Variants in MTREX observed in about 807,000 individuals in gnomAD.
The protein encoded by MTREX is exosome RNA helicase MTR4.
A neutral mutation model predicts 135.4 loss-of-function variants in MTREX; 76 were observed. The observed-to-expected ratio is 0.56, with a 90% confidence interval of 0.47 to 0.68. The LOEUF (loss-of-function observed/expected upper bound fraction) is 0.68. Among genes scored for constraint, MTREX ranks in the 30% least tolerant of loss-of-function variants. The pLI, the probability that MTREX is intolerant of heterozygous loss-of-function variation, is 0.00. For synonymous variants in MTREX, 404 were observed against 401.6 expected, an observed-to-expected ratio of 1.01 and a Z score of -0.07; for missense variants, 920 against 1,262.1, an observed-to-expected ratio of 0.73 and a Z score of 4.11.
intron 22 of MTREX, 96 bp downstream of exon 22, chr5:55,405,684 C>A: frequency 8.9e-7 from 1 of 1,124,290 alleles, no homozygotes; most frequent in Non-Finnish European, 1.3e-6. Context: ...TCACTGTTGC[C>A]CAGGCTGGAG....
In MTREX at chr5:55,418,452, T is replaced by C. The variant is rs185704068; in HGVS notation, c.2971+2320T>C. Among the ~76,000 whole-genome samples, 4 of 147,840 alleles carry C rather than the reference T, an allele frequency of 2.7e-5. No homozygotes were observed. In the East Asian group the frequency reaches 7.9e-4, roughly 29 times the overall value. Reference sequence around the variant, plus strand: ...TTTGTAGCTCATACTAGATGCCACCTATGAGTTGACTTTTTCCACAGCATA... The same window carrying C: ...TTTGTAGCTCATACTAGATGCCACCCATGAGTTGACTTTTTCCACAGCATA... On this transcript the variant is annotated intron_variant, in intron 25 of 26. Coordinates refer to ENST00000230640, the MANE Select transcript of MTREX (RefSeq NM_015360.5).
intron 3 of MTREX, 110 bp from the exon 4 acceptor site, chr5:55,327,606 C>G: frequency 1.2e-6 from 1 of 813,364 alleles, no homozygotes; most frequent in Non-Finnish European, 2.1e-6. Flanking sequence ...AAGTTCATCA[C>G]TCTAGTTCAT....
intron 14 of MTREX, among the ~76,000 whole-genome samples, chr5:55,355,655 T>C (rs983834681): frequency 6.6e-6 from 1 of 152,204 alleles, no homozygotes; most frequent in African/African-American, 2.4e-5. Context: ...ACCAGAGCTC[T>C]TGGCGAATCC....
Position 55,368,294 on chromosome 5 carries a change from CA to C in MTREX, c.1810+1426del, listed in dbSNP as rs554064389. Among the ~76,000 whole-genome samples, 603 of 151,728 alleles carry C rather than the reference CA, an allele frequency of 4.0e-3. 4 individuals are homozygous for C. The highest frequency in any genetic ancestry group is 0.014 in the African/African-American group (575 of 41,372). The stretch of plus-strand genomic sequence containing the variant: ...TGAAACCCCATCTCTACTAAAAATA[CA>C]AAAAAATTAGCCGGGCATGGTGGTG... On this transcript the variant is annotated intron_variant, in intron 16 of 26. Coordinates refer to ENST00000230640, the MANE Select transcript of MTREX (RefSeq NM_015360.5).
At chr5:55,420,666 CAT>C (rs1751040989) in intron 25 of MTREX, among the ~76,000 whole-genome samples, 1 of 152,116 alleles carries the variant, frequency 6.6e-6, no homozygotes, top group Non-Finnish European at 1.5e-5. Flanking sequence ...TAAGCAGATT[CAT>C]AGAGACAAAG....
At chr5:55,326,784 G>A (rs1187736701) in intron 3 of MTREX, among the ~76,000 whole-genome samples, 1 of 152,070 alleles carries the variant, frequency 6.6e-6, no homozygotes, top group Non-Finnish European at 1.5e-5. Flanking sequence ...TGCCATGGTG[G>A]TTTGCTGCAC....
intron 1 of MTREX, among the ~76,000 whole-genome samples, chr5:55,310,921 G>C (rs1749102339): frequency 6.6e-6 from 1 of 151,504 alleles, no homozygotes. Context: ...AGAAGTACAG[G>C]TACACACCAC....
chr5:55,370,103 A>G (rs930957110), intron 16 of MTREX, among the ~76,000 whole-genome samples: 6 of 151,898 alleles, frequency 4.0e-5, no homozygotes. Context: ...TTGTATTTTT[A>G]GTAGAGACGG....
intron 1 of MTREX, among the ~76,000 whole-genome samples, chr5:55,319,416 T>G (rs1749251534): frequency 1.3e-5 from 2 of 152,224 alleles, no homozygotes; most frequent in Non-Finnish European, 1.5e-5. Context: ...TGTTGCCAAA[T>G]TCCTCTATAG....
intron 15 of MTREX, among the ~76,000 whole-genome samples, chr5:55,365,818 C>T (rs1383312868): frequency 6.6e-6 from 1 of 151,896 alleles, no homozygotes; most frequent in East Asian, 1.9e-4. Context: ...AGTGAAATCC[C>T]GTCTCTACTA....
Position 55,322,717 on chromosome 5 carries a change from TA to T in MTREX, c.272+261del, listed in dbSNP as rs551505829. 1.4e-4 allele frequency among the ~76,000 whole-genome samples: 21 copies of T among 151,994 alleles called. No homozygotes were observed. In the East Asian group the frequency reaches 2.9e-3, roughly 21 times the overall value. On this transcript the variant is annotated intron_variant, in intron 2 of 26. Coordinates refer to ENST00000230640, the MANE Select transcript of MTREX (RefSeq NM_015360.5). ...TGAGAAAAAAGTCTTAAAACCTGAT[TA>T]AAAAAAATACGTTTTCTTTATTTGT...
At chr5:55,416,678 TAAG>T (rs556513768) in intron 25 of MTREX, among the ~76,000 whole-genome samples, 200 of 152,230 alleles carry the variant, frequency 1.3e-3, no homozygotes, top group Admixed American at 2.0e-3. Context: ...AAGTGAATAA[TAAG>T]AAGCAAAAAA....
intron 3 of MTREX, among the ~76,000 whole-genome samples, chr5:55,325,881 A>C (rs57955802): frequency 0.13 from 19,756 of 151,820 alleles, 1,530 homozygotes; most frequent in East Asian, 0.26. Context: ...GCGGTATTTG[A>C]TTTTCTGTTT....
At chr5:55,340,502 A>G (rs1009835058) in intron 6 of MTREX, among the ~76,000 whole-genome samples, 1 of 152,180 alleles carries the variant, frequency 6.6e-6, no homozygotes, top group Non-Finnish European at 1.5e-5. Flanking sequence ...ATATATAGTA[A>G]TAGTGACTCT....
At chr5:55,320,751 C>T (rs1749275471) in intron 1 of MTREX, among the ~76,000 whole-genome samples, 2 of 152,164 alleles carry the variant, frequency 1.3e-5, no homozygotes, top group African/African-American at 4.8e-5. Flanking sequence ...TTGGCTTTGG[C>T]TCAACATCGT....
chr5:55,414,795 A>G (rs230765), intron 24 of MTREX, among the ~76,000 whole-genome samples: 134,309 of 151,838 alleles, frequency 0.88, 59,675 homozygotes, highest in Middle Eastern at 0.93. Context: ...GATTACAGGC[A>G]CCCGCCACCA....
intron 13 of MTREX, 54 bp from the exon 14 acceptor site, chr5:55,353,114 C>T (rs1749853947): frequency 1.6e-6 from 2 of 1,244,098 alleles, no homozygotes; most frequent in African/African-American, 3.1e-5. Context: ...AATTATAAAA[C>T]CAGATTTTCA....
chr5:55,378,053 A>G (rs576591863), intron 16 of MTREX, among the ~76,000 whole-genome samples: 71 of 152,112 alleles, frequency 4.7e-4, no homozygotes, highest in Non-Finnish European at 8.7e-4. Context: ...CACTCAGTCT[A>G]TTAGTAATAG....
intron 25 of MTREX, among the ~76,000 whole-genome samples, chr5:55,421,613 C>G (rs1247734584): frequency 6.6e-6 from 1 of 152,210 alleles, no homozygotes; most frequent in East Asian, 1.9e-4. Context: ...TTCTGGTTAA[C>G]ACGAGTTACT....
Sources: gnomAD v4.1 joint callset for allele counts (sites outside exome capture counted in the v4.1 genomes callset) on GRCh38, gnomAD v4.1.1 for gene constraint, MANE v1.5 for transcripts, NCBI Gene and HGNC (gene_info 2026-07-23, HGNC 2026-07-21) for gene names.